The following LRP2 variants were observed in gnomAD, a reference collection of about 807,000 sequenced individuals.
LRP2 encodes the protein low-density lipoprotein receptor-related protein 2.
Under a neutral mutation model 531.0 loss-of-function variants are expected in LRP2, and 172 were observed. That is an observed-to-expected ratio of 0.32 (90% CI 0.29 to 0.37). LRP2 has a LOEUF of 0.37. Among genes scored for constraint, LRP2 ranks in the 10% least tolerant of loss-of-function variants. LRP2 has a pLI of 1.00. For missense variants in LRP2, 5,167 were observed against 5,868.3 expected (o/e 0.88, Z 3.90); for synonymous variants, 1,992 against 2,027.6 (o/e 0.98, Z 0.47).
chr2:169,266,961 C>T (rs1340250408), intron 16 of LRP2, among the ~76,000 whole-genome samples: 1 of 149,054 alleles, frequency 6.7e-6, no homozygotes, highest in African/African-American at 2.5e-5. Context: ...GGTCATAGCT[C>T]ACTGCAACCT....
At chr2:169,287,005 A>G (rs548925130) in intron 9 of LRP2, among the ~76,000 whole-genome samples, 1 of 152,302 alleles carries the variant, frequency 6.6e-6, no homozygotes, top group East Asian at 1.9e-4. Context: ...GACATTTGCT[A>G]AAGACACAGG....
At chr2:169,162,824 G>A (rs1012568513) in intron 62 of LRP2, among the ~76,000 whole-genome samples, 2 of 152,226 alleles carry the variant, frequency 1.3e-5, no homozygotes, top group Non-Finnish European at 1.5e-5. Flanking sequence ...AAAAGCACAC[G>A]TGCCTCCTCC....
At chr2:169,211,886 T>C (rs1688606590) in intron 37 of LRP2, 82 bp downstream of exon 37, 2 of 1,561,828 alleles carry the variant, frequency 1.3e-6, no homozygotes, top group African/African-American at 1.4e-5. Flanking sequence ...AATCCACACA[T>C]GAAGAAATGT....
Position 169,335,283 on chromosome 2 carries a change from C to T in LRP2, c.80-14399G>A, listed in dbSNP as rs111753536. On this transcript the variant is annotated intron_variant, in intron 1 of 78. Transcript: ENST00000649046. ...TTTCAGGTGATCCTCTGGAGTTTTA[C>T]ATGAAATACTGTAGGTGTATAATTC... 5.6e-3 allele frequency among the ~76,000 whole-genome samples: 858 copies of T among 152,274 alleles called. 9 individuals carry two copies. The highest frequency in any genetic ancestry group is 0.018 in the African/African-American group (748 of 41,560).
chr2:169,260,514 C>G (rs1393176508), intron 16 of LRP2, among the ~76,000 whole-genome samples: 1 of 152,078 alleles, frequency 6.6e-6, no homozygotes, highest in African/African-American at 2.4e-5. Context: ...TTGGATGAAG[C>G]ATCCACTTAG....
intron 53 of LRP2, 35 bp downstream of exon 53, chr2:169,177,768 G>C (rs370092865): frequency 5.1e-6 from 8 of 1,578,072 alleles, no homozygotes; most frequent in Non-Finnish European, 7.0e-6. Context: ...CATAACCCAA[G>C]GCAACCTTGC....
At chr2:169,302,945 G>C (rs1303189712) in intron 4 of LRP2, among the ~76,000 whole-genome samples, 2 of 152,022 alleles carry the variant, frequency 1.3e-5, no homozygotes, top group Non-Finnish European at 1.5e-5. Context: ...TTATTTTAAA[G>C]AAGAGTTGTT....
intron 7 of LRP2, among the ~76,000 whole-genome samples, chr2:169,291,249 A>G (rs1683991459): frequency 1.3e-5 from 2 of 152,244 alleles, no homozygotes; most frequent in South Asian, 4.1e-4. Context: ...AGGAAGAAGC[A>G]GATATGGGCC....
At position 169,198,903 on chromosome 2, in the gene LRP2, T is replaced by A. The variant is rs1335160686; in HGVS notation, c.8461A>T (p.Thr2821Ser). ...CATTTTGTGTATCCAGACTGGCAAG[T>A]GCGATCAGCTTGAAAAAGACAACCA... ...TSDEKNCPDR[T>S]CQSGYTKCHN... Residue 2821 changes from threonine (T) to serine (S), a missense_variant, in exon 45 of 79, where the codon ACT becomes TCT. Coordinates refer to ENST00000649046, the MANE Select transcript of LRP2 (RefSeq NM_004525.3). 1 of 1,613,410 alleles carries A rather than the reference T, an allele frequency of 6.2e-7. No individual in the cohort carries two copies.
At chr2:169,174,408 T>C (rs909337617) in intron 55 of LRP2, among the ~76,000 whole-genome samples, 1 of 152,248 alleles carries the variant, frequency 6.6e-6, no homozygotes, top group African/African-American at 2.4e-5. Flanking sequence ...CACCCTGACC[T>C]GTTAAGCATA....
intron 3 of LRP2, among the ~76,000 whole-genome samples, chr2:169,307,660 C>T (rs1342972614): frequency 6.6e-6 from 1 of 152,078 alleles, no homozygotes; most frequent in Non-Finnish European, 1.5e-5. Context: ...GATTTTAAAA[C>T]TATATGGTAA....
At chr2:169,339,751 GAAA>G (rs1217519754) in intron 1 of LRP2, among the ~76,000 whole-genome samples, 1 of 152,068 alleles carries the variant, frequency 6.6e-6, no homozygotes, top group Non-Finnish European at 1.5e-5. Flanking sequence ...GATAAATTTG[GAAA>G]TTGTTTCTGA....
At chr2:169,270,697 A>G (rs866680522) in intron 16 of LRP2, among the ~76,000 whole-genome samples, 2 of 151,874 alleles carry the variant, frequency 1.3e-5, no homozygotes, top group Non-Finnish European at 2.9e-5. Context: ...TGGCACATGT[A>G]TACATATGTA....
intron 52 of LRP2, among the ~76,000 whole-genome samples, chr2:169,179,360 C>T (rs1687340845): frequency 1.3e-5 from 2 of 152,104 alleles, no homozygotes; most frequent in Admixed American, 6.6e-5. Flanking sequence ...TGAGACCTTC[C>T]CTTCCAGTTC....
chr2:169,358,768 G>A (rs1047453664), intron 1 of LRP2, among the ~76,000 whole-genome samples: 1 of 152,082 alleles, frequency 6.6e-6, no homozygotes, highest in African/African-American at 2.4e-5. Context: ...AGAGGTAGGA[G>A]GATCATTTGA....
At chr2:169,262,846 T>C (rs559363330) in intron 16 of LRP2, among the ~76,000 whole-genome samples, 1 of 152,120 alleles carries the variant, frequency 6.6e-6, no homozygotes, top group South Asian at 2.1e-4. Flanking sequence ...CTTCAAACTA[T>C]CCTACAAGGC....
intron 36 of LRP2, 83 bp from the exon 37 acceptor site, chr2:169,212,290 A>C (rs1022797312): frequency 5.8e-6 from 9 of 1,559,100 alleles, no homozygotes; most frequent in Admixed American, 5.0e-5. Context: ...TGGGTCACCA[A>C]ATAATTTATT....
At chr2:169,160,549 A>T (rs1686538956) in intron 63 of LRP2, among the ~76,000 whole-genome samples, 1 of 152,146 alleles carries the variant, frequency 6.6e-6, no homozygotes, top group Non-Finnish European at 1.5e-5. Context: ...AAGAACTAGT[A>T]TATTAAAAAA....
intron 16 of LRP2, 113 bp downstream of exon 16, chr2:169,270,790 AT>A: frequency 2.1e-6 from 1 of 482,488 alleles, no homozygotes. Context: ...AAATAAATAA[AT>A]AAGACTGCTT....
Sources: allele counts gnomAD v4.1 joint callset (sites outside exome capture counted in the v4.1 genomes callset), GRCh38; gene constraint gnomAD v4.1.1; transcripts MANE v1.5; gene names NCBI Gene and HGNC (gene_info 2026-07-23, HGNC 2026-07-21).